Variants in BAIAP2L2 observed in about 807,000 individuals in gnomAD.
BAIAP2L2 encodes the protein BAR/IMD domain-containing adapter protein 2-like 2.
A neutral mutation model predicts 60.4 loss-of-function variants in BAIAP2L2; 65 were observed. That is an observed-to-expected ratio of 1.08 (90% CI 0.88 to 1.32). The LOEUF (loss-of-function observed/expected upper bound fraction) is 1.32. BAIAP2L2 is among the 40% of genes most tolerant of loss of function. The probability of loss-of-function intolerance (pLI) is 0.00; values close to 1 mark genes in which losing one functional copy is unlikely to be tolerated. For missense variants in BAIAP2L2, 836 were observed against 741.2 expected, an observed-to-expected ratio of 1.13 and a Z score of -1.48; for synonymous variants, 344 against 301.7, an observed-to-expected ratio of 1.14 and a Z score of -1.45.
At position 38,085,059 on chromosome 22, in the gene BAIAP2L2, G is replaced by A. The variant is rs2086012121; in HGVS notation, c.*241C>T. The A allele has an allele frequency of 2.0e-6, 1 of 501,130 alleles. No individual in the cohort carries two copies. Among genetic ancestry groups the A allele is most frequent in the Admixed American group, 3.4e-5 (1 of 29,790 alleles). 31.0% of individuals were successfully genotyped at this position (501,130 alleles called of 1,614,324 possible). On this transcript the variant is annotated 3_prime_UTR_variant, in exon 14 of 14. Transcript: ENST00000381669. ...TGGGCCCCCCAGGGAGAGTCCTGGA[G>A]CCCCTGGAGGGGGAGAAATTGTCCT...
intron 2 of BAIAP2L2, 128 bp from the exon 3 acceptor site, chr22:38,108,469 A>G (rs1180855142): frequency 8.6e-6 from 6 of 693,800 alleles, no homozygotes; most frequent in Non-Finnish European, 1.2e-5. Context: ...GCCCCTGAGG[A>G]GGGTGTGACC....
chr22:38,104,997 G>A (rs891354286), intron 4 of BAIAP2L2, among the ~76,000 whole-genome samples: 1 of 152,116 alleles, frequency 6.6e-6, no homozygotes, highest in African/African-American at 2.4e-5. Flanking sequence ...GTAGTTTCAG[G>A]TCTGGTTTGC....
intron 4 of BAIAP2L2, among the ~76,000 whole-genome samples, chr22:38,105,339 C>CTT (rs1035690122): frequency 0.02 from 1,876 of 94,874 alleles, 67 homozygotes; most frequent in African/African-American, 0.059. Context: ...TTTTTCTTTT[C>CTT]TTTTTTTTTT....
chr22:38,090,660 C>T (rs918755271), intron 7 of BAIAP2L2: 1 of 152,122 alleles, frequency 6.6e-6, no homozygotes, highest in Non-Finnish European at 1.5e-5. Flanking sequence ...CGCAATAGCC[C>T]TGGGTGGTAG....
chr22:38,108,477 A>G (rs1602035883), intron 2 of BAIAP2L2, 136 bp from the exon 3 acceptor site: 2 of 663,074 alleles, frequency 3.0e-6, no homozygotes, highest in Admixed American at 2.9e-5. Context: ...GGAGGGTGTG[A>G]CCAGTTGAGC....
chr22:38,103,051 T>TAAA (rs759453514), intron 4 of BAIAP2L2, among the ~76,000 whole-genome samples: 1 of 132,958 alleles, frequency 7.5e-6, no homozygotes, highest in Non-Finnish European at 1.6e-5. Context: ...ATCTCAAAAT[T>TAAA]AAAAAAAAAA....
chr22:38,089,954 G>A (rs971781123), intron 7 of BAIAP2L2, among the ~76,000 whole-genome samples: 2 of 151,978 alleles, frequency 1.3e-5, no homozygotes, highest in Non-Finnish European at 2.9e-5. Context: ...CAGCTTCAGG[G>A]GTAGGGGTGG....
rs969339891 is a variant in BAIAP2L2, at chr22:38,089,135, C to G, written c.862G>C (p.Glu288Gln). Residue 288 changes from glutamate (E) to glutamine (Q), a missense_variant, in exon 9 of 14, where the codon GAG becomes CAG. Coordinates refer to ENST00000381669, the MANE Select transcript of BAIAP2L2 (RefSeq NM_025045.6). Reference protein sequence around the residue: ...EPDARPASQLEPDRRSLPRTP... With the variant: ...EPDARPASQLQPDRRSLPRTP... ...CGGGGCAGGGAGCGACGGTCTGGCT[C>G]TAGCTGGGACGCGGGCCTCGCGTCG... 2 of 1,352,236 alleles carry G rather than the reference C, an allele frequency of 1.5e-6. No homozygotes were observed. Among genetic ancestry groups the G allele is most frequent in the Non-Finnish European group, 1.9e-6 (2 of 1,057,498 alleles). 83.8% of individuals were successfully genotyped at this position (1,352,236 alleles called of 1,614,324 possible). A position where few individuals can be genotyped will look rare whatever the true frequency, so the allele number is the denominator to read the frequency against.
At chr22:38,087,351 C>T (rs1225925848) in intron 10 of BAIAP2L2, 87 bp from the exon 11 acceptor site, 2 of 1,471,998 alleles carry the variant, frequency 1.4e-6, no homozygotes, top group African/African-American at 1.5e-5. Flanking sequence ...CTCAGGGTCA[C>T]TGGAAGCTAC....
Position 38,109,215 on chromosome 22 carries a change from C to G in BAIAP2L2, c.52-7G>C, listed in dbSNP as rs765038510. On this transcript the variant is annotated splice_region_variant and splice_polypyrimidine_tract_variant and intron_variant, in intron 1 of 13. Transcript: ENST00000381669. ...TAAACTGCTCCATGATGCTCTGGAC[C>G]CCAGGGTCAGGGGAGGAAAAAGGTG... The G allele has an allele frequency of 7.5e-6, 12 of 1,608,578 alleles. No homozygotes were observed. The highest frequency in any genetic ancestry group is 1.7e-6 in the Non-Finnish European group (2 of 1,175,598).
chr22:38,100,457 G>A (rs1260925145), intron 4 of BAIAP2L2, among the ~76,000 whole-genome samples: 1 of 151,946 alleles, frequency 6.6e-6, no homozygotes. Context: ...ACCCTAGGGG[G>A]CGGAGGTTGC....
intron 12 of BAIAP2L2, 149 bp downstream of exon 12, chr22:38,086,093 A>G: frequency 3.2e-6 from 3 of 935,568 alleles, no homozygotes; most frequent in Non-Finnish European, 4.9e-6. Context: ...ACTCAGCCCC[A>G]CACCACCCCT....
At chr22:38,093,834 TTCTACTCTTA>T (rs1218433522) in intron 7 of BAIAP2L2, 5 of 448,766 alleles carry the variant, frequency 1.1e-5, no homozygotes, top group Non-Finnish European at 2.3e-5. Context: ...GGCCCCACAA[TTCTACTCTTA>T]TATACCCAAG....
intron 7 of BAIAP2L2, among the ~76,000 whole-genome samples, chr22:38,092,198 C>G (rs951275217): frequency 2.0e-5 from 3 of 152,238 alleles, no homozygotes; most frequent in Non-Finnish European, 4.4e-5. Flanking sequence ...TAAGCAAAGA[C>G]TAATTAGCGA....
chr22:38,089,211 C>T lies in BAIAP2L2; in HGVS notation c.786G>A (p.Glu262=). 8.5e-7 allele frequency: 1 copy of T among 1,171,816 alleles called. No homozygotes were observed. The highest frequency in any genetic ancestry group is 2.8e-5 in the South Asian group (1 of 35,808). 72.6% of individuals were successfully genotyped at this position (1,171,816 alleles called of 1,614,324 possible). The stretch of plus-strand genomic sequence containing the variant: ...CGTGCCGGCTGCGGGGGGAGCTGAA[C>T]TCTCCCAGGGGCCTCGGGGGCTGCG... ...CLDMPPRPLG[E]FSSPRSRHGS... is the part of the protein sequence containing the mutation. The change falls in exon 9 of 14, where the codon GAG becomes GAA. Residue 262 remains glutamate (E), a synonymous_variant. Coordinates refer to ENST00000381669, the MANE Select transcript of BAIAP2L2 (RefSeq NM_025045.6).
intron 1 of BAIAP2L2, among the ~76,000 whole-genome samples, chr22:38,110,157 CAG>C (rs1266096999): frequency 2.4e-4 from 8 of 33,538 alleles, no homozygotes; most frequent in Admixed American, 1.7e-3. Context: ...GAGGGAGAGA[CAG>C]AGAGAGAGAG....
At chr22:38,105,659 G>A (rs985207514) in intron 4 of BAIAP2L2, among the ~76,000 whole-genome samples, 5 of 152,060 alleles carry the variant, frequency 3.3e-5, no homozygotes, top group East Asian at 3.9e-4. Flanking sequence ...GCCTTTTTCA[G>A]TGTCACCTCG....
intron 11 of BAIAP2L2, 119 bp downstream of exon 11, chr22:38,087,005 A>C: frequency 1.6e-6 from 2 of 1,266,128 alleles, no homozygotes; most frequent in Non-Finnish European, 2.0e-6. Flanking sequence ...CAAAAAAAAA[A>C]AAACAAAACA....
intron 4 of BAIAP2L2, among the ~76,000 whole-genome samples, chr22:38,105,764 TACTC>T (rs2086654394): frequency 6.6e-6 from 1 of 152,222 alleles, no homozygotes; most frequent in African/African-American, 2.4e-5. Context: ...TCGATTCACT[TACTC>T]ACTGTGGGTT....
Sources: gnomAD v4.1 joint callset for allele counts (sites outside exome capture counted in the v4.1 genomes callset) on GRCh38, gnomAD v4.1.1 for gene constraint, MANE v1.5 for transcripts, NCBI Gene and HGNC (gene_info 2026-07-23, HGNC 2026-07-21) for gene names.